CCDC178: variants seen among roughly 807,000 people sequenced by gnomAD.
The protein encoded by CCDC178 is coiled-coil domain containing 178, also known as coiled-coil domain-containing protein 178.
CCDC178 carries 126 observed loss-of-function variants against 117.4 expected under a neutral mutation model. That is an observed-to-expected ratio of 1.07 (90% CI 0.93 to 1.24). The LOEUF (loss-of-function observed/expected upper bound fraction) is 1.24. Ranked by LOEUF, CCDC178 falls within the 50% of genes most tolerant of loss-of-function variation. The pLI, the probability that CCDC178 is intolerant of heterozygous loss-of-function variation, is 0.00. For synonymous variants in CCDC178, 283 were observed against 313.4 expected (o/e 0.90, Z 1.02); for missense variants, 1,030 against 986.9 (o/e 1.04, Z -0.59).
At chr18:33,357,154 G>A (rs550949887) in intron 6 of CCDC178, among the ~76,000 whole-genome samples, 1 of 152,148 alleles carries the variant, frequency 6.6e-6, no homozygotes, top group Admixed American at 6.6e-5. Context: ...TAACTTGCAT[G>A]TATTGATTTA....
intron 21 of CCDC178, among the ~76,000 whole-genome samples, chr18:33,005,755 T>C (rs886870947): frequency 2.0e-5 from 3 of 151,970 alleles, no homozygotes; most frequent in African/African-American, 7.2e-5. Context: ...CACACAAAAA[T>C]TAAAAACTCA....
intron 10 of CCDC178, among the ~76,000 whole-genome samples, chr18:33,325,160 A>T (rs2062567482): frequency 6.6e-6 from 1 of 151,890 alleles, no homozygotes; most frequent in Non-Finnish European, 1.5e-5. Context: ...TAGCATTTTA[A>T]TGATTAATAT....
chr18:32,943,034 C>G (rs1160743605), intron 22 of CCDC178, among the ~76,000 whole-genome samples: 1 of 151,984 alleles, frequency 6.6e-6, no homozygotes, highest in Non-Finnish European at 1.5e-5. Flanking sequence ...ATTCAGAGAC[C>G]AAAGCAGCTA....
chr18:33,148,180 G>A (rs936943776), intron 20 of CCDC178, among the ~76,000 whole-genome samples: 19 of 152,360 alleles, frequency 1.2e-4, no homozygotes, highest in Middle Eastern at 3.4e-3. Context: ...CTGGCACCTC[G>A]GGAGGCCGAG....
chr18:33,400,838 C>T (rs551566301), intron 3 of CCDC178, among the ~76,000 whole-genome samples: 2 of 152,326 alleles, frequency 1.3e-5, no homozygotes, highest in Admixed American at 6.5e-5. Context: ...GCACAAGAGA[C>T]TATGTTTTCA....
At chr18:33,076,332 T>C (rs1008075725) in intron 21 of CCDC178, among the ~76,000 whole-genome samples, 1 of 152,202 alleles carries the variant, frequency 6.6e-6, no homozygotes, top group Non-Finnish European at 1.5e-5. Context: ...GACATTGCTC[T>C]TAAGAAGATC....
intron 8 of CCDC178, among the ~76,000 whole-genome samples, chr18:33,347,950 C>T (rs540176471): frequency 2.6e-5 from 4 of 152,058 alleles, no homozygotes; most frequent in Admixed American, 6.5e-5. Flanking sequence ...GCCTTGATTA[C>T]AACAAATCTT....
chr18:32,945,104 C>A (rs2054316903), intron 22 of CCDC178, among the ~76,000 whole-genome samples: 3 of 152,158 alleles, frequency 2.0e-5, no homozygotes, highest in South Asian at 2.1e-4. Flanking sequence ...AAAAATTGAA[C>A]CCACACAAAT....
At chr18:33,099,338 AG>A (rs1389994205) in intron 20 of CCDC178, among the ~76,000 whole-genome samples, 1 of 152,008 alleles carries the variant, frequency 6.6e-6, no homozygotes, top group African/African-American at 2.4e-5. Flanking sequence ...GAATCCCCAC[AG>A]GCCTCTTATA....
chr18:33,181,087 G>A (rs1337666137), intron 20 of CCDC178, among the ~76,000 whole-genome samples: 1 of 151,866 alleles, frequency 6.6e-6, no homozygotes, highest in Non-Finnish European at 1.5e-5. Context: ...AAGTACAATT[G>A]ATTGCGTGGC....
At chr18:33,089,700 T>C (rs2057434029) in intron 21 of CCDC178, among the ~76,000 whole-genome samples, 1 of 152,214 alleles carries the variant, frequency 6.6e-6, no homozygotes, top group African/African-American at 2.4e-5. Flanking sequence ...TACCTTTCTG[T>C]GCAGGCACAA....
At chr18:33,325,401 TGAA>T (rs2062570801) in intron 10 of CCDC178, among the ~76,000 whole-genome samples, 1 of 152,172 alleles carries the variant, frequency 6.6e-6, no homozygotes, top group South Asian at 2.1e-4. Context: ...TCTCTTACAC[TGAA>T]GAATTCTTTG....
At chr18:33,082,124 A>G (rs1326813008) in intron 21 of CCDC178, among the ~76,000 whole-genome samples, 1 of 152,210 alleles carries the variant, frequency 6.6e-6, no homozygotes, top group African/African-American at 2.4e-5. Context: ...GGAACCTCCC[A>G]AAATCAATTA....
intron 3 of CCDC178, among the ~76,000 whole-genome samples, chr18:33,398,848 ATAT>A (rs1489472798): frequency 1.3e-5 from 2 of 152,230 alleles, no homozygotes; most frequent in East Asian, 1.9e-4. Context: ...GTGTGTGATA[ATAT>A]TATATCTAAA....
At position 33,148,624 on chromosome 18, in the gene CCDC178, G is replaced by A. The variant is rs182007556; in HGVS notation, c.2239-55714C>T. On this transcript the variant is annotated intron_variant, in intron 20 of 22. Coordinates refer to ENST00000383096, the MANE Select transcript of CCDC178 (RefSeq NM_001105528.4). ...ATATCTCCCATTCTTTCCCTTTCTGGAATGTGTTTTTGCTTTTATTGTATC... is the reference window on the plus strand; with the variant it reads ...ATATCTCCCATTCTTTCCCTTTCTGAAATGTGTTTTTGCTTTTATTGTATC... 4.6e-3 allele frequency among the ~76,000 whole-genome samples: 701 copies of A among 152,116 alleles called. 4 individuals carry two copies. The highest frequency in any genetic ancestry group is 0.014 in the Middle Eastern group (4 of 292).
intron 12 of CCDC178, among the ~76,000 whole-genome samples, chr18:33,288,432 C>T (rs1271786936): frequency 2.4e-5 from 3 of 126,324 alleles, no homozygotes; most frequent in Non-Finnish European, 1.6e-5. Flanking sequence ...CTCTCTCCTT[C>T]CCTCCCCTTC....
chr18:33,204,133 T>C (rs2059022194), intron 20 of CCDC178, among the ~76,000 whole-genome samples: 1 of 152,078 alleles, frequency 6.6e-6, no homozygotes, highest in African/African-American at 2.4e-5. Flanking sequence ...TATCAAATTT[T>C]AAAAGTCAAA....
intron 12 of CCDC178, among the ~76,000 whole-genome samples, chr18:33,282,434 T>A (rs182783031): frequency 6.6e-6 from 1 of 152,262 alleles, no homozygotes; most frequent in East Asian, 1.9e-4. Flanking sequence ...TGCAAGCTGG[T>A]CCTGCACATC....
At chr18:33,375,640 G>A (rs1246782627) in intron 5 of CCDC178, among the ~76,000 whole-genome samples, 1 of 152,112 alleles carries the variant, frequency 6.6e-6, no homozygotes, top group Non-Finnish European at 1.5e-5. Flanking sequence ...GGAAGAAAAG[G>A]GACACATTTG....
Sources: allele counts gnomAD v4.1 joint callset (sites outside exome capture counted in the v4.1 genomes callset), GRCh38; gene constraint gnomAD v4.1.1; transcripts MANE v1.5; gene names NCBI Gene and HGNC (gene_info 2026-07-23, HGNC 2026-07-21).